Variants in KALRN observed in about 807,000 individuals in gnomAD.
KALRN encodes kalirin RhoGEF kinase, also known as kalirin.
In KALRN, 70 loss-of-function variants were observed where a neutral mutation model predicts 353.7. The ratio of observed to expected loss-of-function variants is 0.20; its 90% CI spans 0.16 to 0.24. The LOEUF (loss-of-function observed/expected upper bound fraction) is 0.24. Among genes scored for constraint, KALRN ranks in the 10% least tolerant of loss-of-function variants. The probability of loss-of-function intolerance (pLI) is 1.00; values close to 1 mark genes in which losing one functional copy is unlikely to be tolerated. For missense variants in KALRN, 2,791 were observed against 3,756.7 expected (o/e 0.74, Z 6.72); for synonymous variants, 1,391 against 1,434.8 (o/e 0.97, Z 0.69).
rs561843709 is a variant in KALRN at position 124,617,994 on chromosome 3, G to T, written c.5183-14426G>T. ...ATAGGAGAAAAAGACTGGGGGCAGA[G>T]AGACAGTCTGGAGCTGTTATGTAGT... On this transcript the variant is annotated intron_variant, in intron 34 of 59. Transcript: ENST00000682506. Among the ~76,000 whole-genome samples, 22 of 150,928 alleles carry T rather than the reference G, an allele frequency of 1.5e-4. No individual in the cohort carries two copies. The South Asian group carries it at 3.8e-3, about 26-fold the overall frequency.
At chr3:124,336,823 T>C (rs1378289064) in intron 9 of KALRN, among the ~76,000 whole-genome samples, 1 of 152,188 alleles carries the variant, frequency 6.6e-6, no homozygotes, top group Non-Finnish European at 1.5e-5. Flanking sequence ...CCTTCTGCAG[T>C]GGTTTGTAGT....
chr3:124,632,009 C>G (rs2013774), intron 34 of KALRN, among the ~76,000 whole-genome samples: 103,674 of 151,764 alleles, frequency 0.68, 35,919 homozygotes, highest in East Asian at 0.88. Context: ...CTGATCACCT[C>G]TTCAATCTGC....
At chr3:124,088,400 T>C (rs541373639) in intron 1 of KALRN, among the ~76,000 whole-genome samples, 2 of 152,262 alleles carry the variant, frequency 1.3e-5, no homozygotes, top group East Asian at 3.9e-4. Flanking sequence ...GTCACAGGAA[T>C]TAGAGGAATC....
intron 56 of KALRN, among the ~76,000 whole-genome samples, chr3:124,700,481 C>T (rs989803117): frequency 2.6e-5 from 4 of 152,168 alleles, no homozygotes; most frequent in Non-Finnish European, 5.9e-5. Context: ...AGTTTCCTCA[C>T]CCCCAATCAT....
At chr3:124,170,591 T>C (rs922221288) in intron 1 of KALRN, among the ~76,000 whole-genome samples, 1 of 152,158 alleles carries the variant, frequency 6.6e-6, no homozygotes, top group South Asian at 2.1e-4. Context: ...GGTTGATATA[T>C]GAGAGAAGAC....
At chr3:124,088,170 T>G (rs1156875255) in intron 1 of KALRN, among the ~76,000 whole-genome samples, 1 of 152,148 alleles carries the variant, frequency 6.6e-6, no homozygotes, top group Admixed American at 6.6e-5. Flanking sequence ...CTTTTCGGGA[T>G]GCCAAATAAT....
chr3:124,659,297 G>C, intron 42 of KALRN, 68 bp from the exon 43 acceptor site: 9 of 1,039,462 alleles, frequency 8.7e-6, no homozygotes. Flanking sequence ...CCATGCCTTT[G>C]AACCCTTATT....
intron 1 of KALRN, among the ~76,000 whole-genome samples, chr3:124,173,012 C>T (rs1353912128): frequency 6.6e-6 from 1 of 151,832 alleles, no homozygotes; most frequent in Admixed American, 6.6e-5. Flanking sequence ...AATTAGGCTT[C>T]AGGAGATTAA....
chr3:124,631,319 C>G (rs1237353382), intron 34 of KALRN, among the ~76,000 whole-genome samples: 1 of 152,198 alleles, frequency 6.6e-6, no homozygotes, highest in Non-Finnish European at 1.5e-5. Flanking sequence ...GCACTTTCTC[C>G]CCTGAGCTCC....
intron 56 of KALRN, 140 bp downstream of exon 56, chr3:124,700,173 A>G (rs957304868): frequency 4.7e-4 from 382 of 811,476 alleles, no homozygotes; most frequent in Non-Finnish European, 5.0e-4. Context: ...ATGTTTCTGT[A>G]AAGTATAGCT....
intron 14 of KALRN, among the ~76,000 whole-genome samples, chr3:124,415,161 G>C (rs757868926): frequency 6.6e-6 from 1 of 152,220 alleles, no homozygotes; most frequent in Non-Finnish European, 1.5e-5. Flanking sequence ...CTAGTGCTCT[G>C]TGTAGTCCCA....
At chr3:124,643,293 G>GC (rs1324298739) in intron 37 of KALRN, among the ~76,000 whole-genome samples, 1 of 151,986 alleles carries the variant, frequency 6.6e-6, no homozygotes, top group Non-Finnish European at 1.5e-5. Flanking sequence ...GATTGCAGGT[G>GC]TGAGCCACCA....
chr3:124,592,323 A>G (rs944916688), intron 34 of KALRN, among the ~76,000 whole-genome samples: 4 of 151,682 alleles, frequency 2.6e-5, no homozygotes, highest in South Asian at 2.1e-4. Context: ...AAAAAAAAAA[A>G]AAAAAAGAAA....
intron 27 of KALRN, among the ~76,000 whole-genome samples, chr3:124,481,013 AT>A: frequency 1.3e-5 from 2 of 152,280 alleles, no homozygotes; most frequent in Middle Eastern, 6.8e-3. Context: ...TCTTGAGTAT[AT>A]ACCTAGAACT....
intron 9 of KALRN, among the ~76,000 whole-genome samples, chr3:124,336,735 C>A (rs898521367): frequency 9.9e-5 from 15 of 152,160 alleles, no homozygotes; most frequent in Non-Finnish European, 2.1e-4. Context: ...GAAATTAAGA[C>A]CCTGTCAGTT....
At chr3:124,173,675 G>A (rs901284515) in intron 1 of KALRN, among the ~76,000 whole-genome samples, 1 of 152,144 alleles carries the variant, frequency 6.6e-6, no homozygotes, top group African/African-American at 2.4e-5. Flanking sequence ...GGGTGCAATG[G>A]CGTGATCTTG....
intron 1 of KALRN, among the ~76,000 whole-genome samples, chr3:124,183,221 G>T (rs970536347): frequency 6.6e-6 from 1 of 152,090 alleles, no homozygotes; most frequent in Non-Finnish European, 1.5e-5. Flanking sequence ...TTAATTACTG[G>T]GCAATTTTAT....
intron 33 of KALRN, among the ~76,000 whole-genome samples, chr3:124,506,142 G>T (rs1302059367): frequency 1.3e-5 from 2 of 152,210 alleles, no homozygotes; most frequent in South Asian, 2.1e-4. Context: ...CTTCTTCCAG[G>T]AGTGGTCAGT....
At chr3:124,277,986 G>T (rs1373142239) in intron 5 of KALRN, among the ~76,000 whole-genome samples, 1 of 142,806 alleles carries the variant, frequency 7.0e-6, no homozygotes, top group African/African-American at 2.6e-5. Flanking sequence ...GGTCTGATCA[G>T]AGATGAACTA....
Sources: allele counts gnomAD v4.1 joint callset (sites outside exome capture counted in the v4.1 genomes callset), GRCh38; gene constraint gnomAD v4.1.1; transcripts MANE v1.5; gene names NCBI Gene and HGNC (gene_info 2026-07-23, HGNC 2026-07-21).